CCSER1: variants seen among roughly 807,000 people sequenced by gnomAD.
The protein encoded by CCSER1 is coiled-coil serine rich protein 1.
A neutral mutation model predicts 82.0 loss-of-function variants in CCSER1; 41 were observed. The ratio of observed to expected loss-of-function variants is 0.50; its 90% CI spans 0.39 to 0.65. The LOEUF (loss-of-function observed/expected upper bound fraction) is 0.65, where lower values mean the gene tolerates loss of function less well. Among genes scored for constraint, CCSER1 ranks in the 30% least tolerant of loss-of-function variants. The probability of loss-of-function intolerance (pLI) is 0.00; values close to 1 mark genes in which losing one functional copy is unlikely to be tolerated. For missense variants in CCSER1, 1,119 were observed against 1,064.2 expected (o/e 1.05, Z -0.72); for synonymous variants, 414 against 383.9 (o/e 1.08, Z -0.92).
At chr4:91,016,479 A>G (rs1048234908) in intron 9 of CCSER1, among the ~76,000 whole-genome samples, 3 of 152,092 alleles carry the variant, frequency 2.0e-5, no homozygotes, top group Middle Eastern at 3.4e-3. Flanking sequence ...CTTCCTTATT[A>G]TTATCATCAT....
At chr4:91,499,193 A>G (rs2110089486) in intron 10 of CCSER1, among the ~76,000 whole-genome samples, 1 of 152,144 alleles carries the variant, frequency 6.6e-6, no homozygotes, top group Admixed American at 6.6e-5. Flanking sequence ...CATTTAGGGA[A>G]TTGATGTTTG....
intron 10 of CCSER1, among the ~76,000 whole-genome samples, chr4:91,222,932 T>C (rs949697242): frequency 6.6e-6 from 1 of 152,146 alleles, no homozygotes; most frequent in African/African-American, 2.4e-5. Context: ...AATAGAGATA[T>C]TATCAATGTT....
chr4:90,560,487 A>G (rs1219806082), intron 5 of CCSER1, among the ~76,000 whole-genome samples: 3 of 152,068 alleles, frequency 2.0e-5, no homozygotes, highest in Non-Finnish European at 4.4e-5. Context: ...CTGCCTGCAA[A>G]ATGTATTAAT....
chr4:91,216,963 C>A (rs190562846), intron 10 of CCSER1, among the ~76,000 whole-genome samples: 1 of 152,260 alleles, frequency 6.6e-6, no homozygotes, highest in East Asian at 1.9e-4. Flanking sequence ...TTGGTGGGTT[C>A]TTGGTCTCAC....
At chr4:91,488,285 A>AT (rs1327745107) in intron 10 of CCSER1, among the ~76,000 whole-genome samples, 50 of 152,048 alleles carry the variant, frequency 3.3e-4, no homozygotes, top group Admixed American at 7.9e-4. Flanking sequence ...ATTTTATGTG[A>AT]TTTTTTAAAA....
chr4:90,668,472 T>C lies in CCSER1; in HGVS notation c.1932+40240T>C, dbSNP rs571923507. Among the ~76,000 whole-genome samples the C allele has an allele frequency of 1.4e-4, 22 of 152,292 alleles. 2 individuals are homozygous for C. Among genetic ancestry groups the C allele is most frequent in the African/African-American group, 4.6e-4 (19 of 41,580 alleles). On this transcript the variant is annotated intron_variant, in intron 6 of 10. Transcript: ENST00000509176. The stretch of plus-strand genomic sequence containing the variant: ...GATTGATAATTCAAAACCACTTACA[T>C]GCTCATTTTTATGCTATGTGAATTG...
intron 1 of CCSER1, among the ~76,000 whole-genome samples, chr4:90,231,640 G>A (rs1250627205): frequency 2.7e-5 from 4 of 149,374 alleles, no homozygotes; most frequent in African/African-American, 7.5e-5. Context: ...GGCAGGAGAA[G>A]GAAATAAAGG....
intron 8 of CCSER1, among the ~76,000 whole-genome samples, chr4:90,894,273 C>A (rs918397346): frequency 6.6e-6 from 1 of 151,964 alleles, no homozygotes; most frequent in East Asian, 1.9e-4. Flanking sequence ...CTTAAGAAAT[C>A]TCCATGCATT....
intron 1 of CCSER1, among the ~76,000 whole-genome samples, chr4:90,129,659 AAATT>A (rs1722477838): frequency 6.6e-6 from 1 of 152,238 alleles, no homozygotes; most frequent in Non-Finnish European, 1.5e-5. Context: ...GTCTTCATTT[AAATT>A]AATTAGTTAT....
chr4:90,255,268 A>AT (rs558818378), intron 1 of CCSER1, among the ~76,000 whole-genome samples: 59 of 150,280 alleles, frequency 3.9e-4, no homozygotes, highest in South Asian at 1.1e-3. Context: ...ATAACCATAT[A>AT]TTTTTTTTTT....
rs140160545 is a variant in CCSER1, at chr4:91,273,629, C to T, written c.2217+187635C>T. 9.9e-3 allele frequency among the ~76,000 whole-genome samples: 1,512 copies of T among 152,218 alleles called. 16 individuals carry two copies. Among genetic ancestry groups the T allele is most frequent in the Non-Finnish European group, 0.015 (1,024 of 68,008 alleles). ...TCTTGTCTGATTGCTCTGGCTAGGA[C>T]TTCCAGTACTGTATTGAAGAGGAGT... On this transcript the variant is annotated intron_variant, in intron 10 of 10. Transcript: ENST00000509176.
At chr4:91,469,454 C>A (rs958192104) in intron 10 of CCSER1, among the ~76,000 whole-genome samples, 5 of 152,118 alleles carry the variant, frequency 3.3e-5, no homozygotes, top group Non-Finnish European at 5.9e-5. Context: ...ACCTATCAAC[C>A]ACTGTGTGTT....
chr4:91,393,886 T>A (rs1470218993), intron 10 of CCSER1, among the ~76,000 whole-genome samples: 1 of 152,120 alleles, frequency 6.6e-6, no homozygotes, highest in Non-Finnish European at 1.5e-5. Flanking sequence ...GTCAACTAAA[T>A]GAGGTTTTAT....
At chr4:91,361,677 C>A (rs552685386) in intron 10 of CCSER1, among the ~76,000 whole-genome samples, 1 of 151,586 alleles carries the variant, frequency 6.6e-6, no homozygotes, top group Admixed American at 6.6e-5. Flanking sequence ...CAAGTAAGAG[C>A]GAAATCTATG....
At chr4:91,122,796 T>A (rs1727201825) in intron 10 of CCSER1, among the ~76,000 whole-genome samples, 1 of 151,732 alleles carries the variant, frequency 6.6e-6, no homozygotes, top group Non-Finnish European at 1.5e-5. Flanking sequence ...GAGGAGCTGA[T>A]CACAATGCCT....
chr4:90,352,524 A>T (rs7654914), intron 3 of CCSER1, among the ~76,000 whole-genome samples: 44,182 of 151,132 alleles, frequency 0.29, 6,581 homozygotes, highest in East Asian at 0.44. Context: ...TAGCTGGGTG[A>T]GGTGGCAGGT....
intron 4 of CCSER1, among the ~76,000 whole-genome samples, chr4:90,433,798 C>G (rs994534507): frequency 6.6e-6 from 1 of 151,750 alleles, no homozygotes; most frequent in Admixed American, 6.6e-5. Flanking sequence ...AAATTGCACC[C>G]TAATTTCTTA....
chr4:90,262,731 C>T (rs1724557474), intron 1 of CCSER1, among the ~76,000 whole-genome samples: 1 of 152,062 alleles, frequency 6.6e-6, no homozygotes, highest in African/African-American at 2.4e-5. Flanking sequence ...TACCTTAACT[C>T]CCCTGCCAGG....
At chr4:90,245,468 A>T (rs1274870454) in intron 1 of CCSER1, among the ~76,000 whole-genome samples, 1 of 152,184 alleles carries the variant, frequency 6.6e-6, no homozygotes, top group Non-Finnish European at 1.5e-5. Flanking sequence ...GAGGTCAGGA[A>T]AAAGACATTA....
Sources: allele counts gnomAD v4.1 joint callset (sites outside exome capture counted in the v4.1 genomes callset), GRCh38; gene constraint gnomAD v4.1.1; transcripts MANE v1.5; gene names NCBI Gene and HGNC (gene_info 2026-07-23, HGNC 2026-07-21).